The following MALRD1 variants were observed in gnomAD, a reference collection of about 807,000 sequenced individuals.
MALRD1 encodes the protein MAM and LDL receptor class A domain containing 1, also known as MAM and LDL-receptor class A domain-containing protein 1.
Under a neutral mutation model 242.1 loss-of-function variants are expected in MALRD1, and 247 were observed. The ratio of observed to expected loss-of-function variants is 1.02; its 90% CI spans 0.92 to 1.13. The LOEUF (loss-of-function observed/expected upper bound fraction) is 1.13. Among genes scored for constraint, MALRD1 ranks in the 50% most tolerant of loss-of-function variants. The pLI, the probability that MALRD1 is intolerant of heterozygous loss-of-function variation, is 0.00. For synonymous variants in MALRD1, 995 were observed against 866.6 expected, an observed-to-expected ratio of 1.15 and a Z score of -2.60; for missense variants, 2,989 against 2,533.1, an observed-to-expected ratio of 1.18 and a Z score of -3.86.
chr10:19,639,467 A>G (rs563769888), intron 36 of MALRD1, among the ~76,000 whole-genome samples: 17 of 152,176 alleles, frequency 1.1e-4, no homozygotes, highest in Non-Finnish European at 2.2e-4. Flanking sequence ...AGTTCACACC[A>G]TACATTTTGA....
At chr10:19,072,577 G>T (rs1835186800) in intron 2 of MALRD1, among the ~76,000 whole-genome samples, 1 of 151,968 alleles carries the variant, frequency 6.6e-6, no homozygotes, top group Admixed American at 6.6e-5. Context: ...CATTAATTGA[G>T]CATTTTATAT....
At chr10:19,677,258 T>C (rs1424972815) in intron 36 of MALRD1, among the ~76,000 whole-genome samples, 1 of 152,204 alleles carries the variant, frequency 6.6e-6, no homozygotes, top group African/African-American at 2.4e-5. Flanking sequence ...TCCATAATGG[T>C]TGAACTAATT....
intron 32 of MALRD1, among the ~76,000 whole-genome samples, chr10:19,563,349 TC>T (rs1168399858): frequency 6.6e-6 from 1 of 152,210 alleles, no homozygotes; most frequent in African/African-American, 2.4e-5. Context: ...TAGATTTTTT[TC>T]TTTCTTCTTA....
intron 32 of MALRD1, among the ~76,000 whole-genome samples, chr10:19,550,153 C>A (rs1422126893): frequency 3.3e-5 from 5 of 152,100 alleles, no homozygotes; most frequent in Non-Finnish European, 7.4e-5. Flanking sequence ...TCCTTAATGA[C>A]CCAGCTGAAT....
intron 29 of MALRD1, among the ~76,000 whole-genome samples, chr10:19,456,779 ATTTATTTATTTT>A (rs1436613659): frequency 1.3e-5 from 2 of 149,626 alleles, no homozygotes; most frequent in East Asian, 3.9e-4. Context: ...TTATTTATTT[ATTTATTTATTTT>A]GAGACAGAGT....
chr10:19,268,855 T>C (rs2496047), intron 19 of MALRD1, among the ~76,000 whole-genome samples: 138,373 of 152,208 alleles, frequency 0.91, 63,118 homozygotes, highest in East Asian at 1. Context: ...ACTTACAGAG[T>C]GAGGAGTTAG....
chr10:19,690,518 T>C (rs1007170595), intron 36 of MALRD1, among the ~76,000 whole-genome samples: 1 of 152,098 alleles, frequency 6.6e-6, no homozygotes, highest in Non-Finnish European at 1.5e-5. Flanking sequence ...ACGAGGTTTA[T>C]TTCTCACCAA....
At chr10:19,662,073 T>C (rs545244735) in intron 36 of MALRD1, among the ~76,000 whole-genome samples, 1 of 152,264 alleles carries the variant, frequency 6.6e-6, no homozygotes, top group African/African-American at 2.4e-5. Flanking sequence ...TCTGTTAATG[T>C]AATCACAGAG....
At chr10:19,054,219 T>C (rs532294074) in intron 1 of MALRD1, among the ~76,000 whole-genome samples, 11 of 152,230 alleles carry the variant, frequency 7.2e-5, no homozygotes, top group African/African-American at 2.6e-4. Flanking sequence ...TTCATTCTCT[T>C]TTATTATTTT....
chr10:19,504,753 G>A (rs1031882363), intron 31 of MALRD1, among the ~76,000 whole-genome samples: 1 of 141,386 alleles, frequency 7.1e-6, no homozygotes, highest in African/African-American at 2.7e-5. Flanking sequence ...CGCAATCTCG[G>A]CTCACTGCAA....
At chr10:19,446,039 C>T (rs938850827) in intron 28 of MALRD1, among the ~76,000 whole-genome samples, 1 of 152,180 alleles carries the variant, frequency 6.6e-6, no homozygotes, top group Non-Finnish European at 1.5e-5. Context: ...TCTCAGACTG[C>T]TGTGCTAGCC....
chr10:19,406,063 A>C (rs758202339), intron 28 of MALRD1, among the ~76,000 whole-genome samples: 2 of 152,132 alleles, frequency 1.3e-5, no homozygotes, highest in Non-Finnish European at 2.9e-5. Context: ...ATTATTTAGA[A>C]TCCATAAGCC....
intron 2 of MALRD1, among the ~76,000 whole-genome samples, chr10:19,078,494 A>C (rs1330937059): frequency 6.6e-6 from 1 of 151,732 alleles, no homozygotes; most frequent in East Asian, 1.9e-4. Context: ...TTTTCTTGTG[A>C]TGTCTTTGTC....
intron 18 of MALRD1, among the ~76,000 whole-genome samples, chr10:19,251,139 T>C (rs1839276467): frequency 6.6e-6 from 1 of 151,848 alleles, no homozygotes; most frequent in African/African-American, 2.4e-5. Context: ...GATTTAACCA[T>C]TCCAGTGTGC....
At chr10:19,419,700 C>A (rs528243186) in intron 28 of MALRD1, among the ~76,000 whole-genome samples, 1 of 152,106 alleles carries the variant, frequency 6.6e-6, no homozygotes, top group Admixed American at 6.6e-5. Context: ...AACATTCCAG[C>A]CCAAAACAGT....
chr10:19,355,871 A>G (rs1283465331), intron 26 of MALRD1, among the ~76,000 whole-genome samples: 3 of 142,738 alleles, frequency 2.1e-5, no homozygotes, highest in South Asian at 2.2e-4. Flanking sequence ...TATATGATAT[A>G]TATTAGCTAA....
intron 26 of MALRD1, among the ~76,000 whole-genome samples, chr10:19,361,628 A>G (rs1221295252): frequency 1.3e-5 from 2 of 152,058 alleles, no homozygotes; most frequent in Admixed American, 6.6e-5. Context: ...GAAGATCTCT[A>G]ATTTCCCAGA....
intron 21 of MALRD1, among the ~76,000 whole-genome samples, chr10:19,313,314 A>G (rs1842509890): frequency 6.6e-6 from 1 of 151,486 alleles, no homozygotes; most frequent in Non-Finnish European, 1.5e-5. Flanking sequence ...TTAATATTAA[A>G]TGAATATTGA....
intron 36 of MALRD1, among the ~76,000 whole-genome samples, chr10:19,647,372 G>C (rs1013652313): frequency 1.3e-5 from 2 of 152,152 alleles, no homozygotes; most frequent in Admixed American, 6.5e-5. Flanking sequence ...GGGAAACCAA[G>C]GTAGAGGAGC....
Sources: allele counts gnomAD v4.1 joint callset (sites outside exome capture counted in the v4.1 genomes callset), GRCh38; gene constraint gnomAD v4.1.1; transcripts MANE v1.5; gene names NCBI Gene and HGNC (gene_info 2026-07-23, HGNC 2026-07-21).